AUTS2: variants seen among roughly 807,000 people sequenced by gnomAD.
The protein encoded by AUTS2 is activator of transcription and developmental regulator AUTS2.
AUTS2 carries 17 observed loss-of-function variants against 112.4 expected under a neutral mutation model. The observed-to-expected ratio is 0.15, with a 90% CI of 0.10 to 0.23. The LOEUF (loss-of-function observed/expected upper bound fraction) is 0.23. AUTS2 is among the 10% of genes least tolerant of loss of function. The pLI is 1.00. For synonymous variants in AUTS2, 751 were observed against 702.7 expected, an observed-to-expected ratio of 1.07 and a Z score of -1.09; for missense variants, 1,510 against 1,701.6, an observed-to-expected ratio of 0.89 and a Z score of 1.98.
intron 4 of AUTS2, among the ~76,000 whole-genome samples, chr7:70,397,069 T>C (rs959922975): frequency 1.1e-4 from 9 of 84,900 alleles, no homozygotes; most frequent in Admixed American, 2.1e-4. Context: ...CTTTTATTAT[T>C]TTTTTTTTTT....
At chr7:70,374,260 A>G (rs957185548) in intron 4 of AUTS2, among the ~76,000 whole-genome samples, 9 of 152,220 alleles carry the variant, frequency 5.9e-5, no homozygotes, top group African/African-American at 2.2e-4. Context: ...AGTTTATTCT[A>G]TTTAAAAAGA....
At chr7:69,934,431 G>C (rs1417827634) in intron 2 of AUTS2, among the ~76,000 whole-genome samples, 1 of 152,136 alleles carries the variant, frequency 6.6e-6, no homozygotes, top group Non-Finnish European at 1.5e-5. Context: ...GAAGTGTATT[G>C]GTTTTGGTAG....
intron 3 of AUTS2, among the ~76,000 whole-genome samples, chr7:70,122,565 A>G (rs1235806854): frequency 6.6e-6 from 1 of 152,144 alleles, no homozygotes; most frequent in Non-Finnish European, 1.5e-5. Flanking sequence ...ACATTATAAA[A>G]TCCTGTCAGT....
intron 4 of AUTS2, among the ~76,000 whole-genome samples, chr7:70,350,635 A>G (rs1791706685): frequency 6.6e-6 from 1 of 152,142 alleles, no homozygotes; most frequent in South Asian, 2.1e-4. Flanking sequence ...GACACATGGG[A>G]GCTACAATTC....
At chr7:69,778,824 C>T (rs1327410508) in intron 1 of AUTS2, among the ~76,000 whole-genome samples, 1 of 152,020 alleles carries the variant, frequency 6.6e-6, no homozygotes, top group South Asian at 2.1e-4. Context: ...CAATAATAAG[C>T]ATTCACTGAC....
In AUTS2 at chr7:70,665,443, C is replaced by CTATTTATT. The variant is rs72463188; in HGVS notation, c.691-33119_691-33118insTTATTTAT. Among the ~76,000 whole-genome samples the CTATTTATT allele has an allele frequency of 5.9e-4, 62 of 104,722 alleles. No individual in the cohort carries two copies. The East Asian group carries it at 9.5e-3, about 16-fold the overall frequency. The allele number at this position is 104,722 out of a possible 152,430, so 68.7% of individuals were successfully genotyped here. On this transcript the variant is annotated intron_variant, in intron 5 of 18. Transcript: ENST00000342771. Reference sequence around the variant, plus strand: ...CATGACCAGCTGTTTATTTATTTATCTATTTATCTATTTATTTATTTATTT... The same window carrying CTATTTATT: ...CATGACCAGCTGTTTATTTATTTATCTATTTATTTATTTATCTATTTATTTATTTATTT...
intron 2 of AUTS2, among the ~76,000 whole-genome samples, chr7:69,986,460 A>C (rs1440398944): frequency 5.9e-5 from 9 of 152,224 alleles, no homozygotes; most frequent in African/African-American, 2.2e-4. Context: ...ATCCAGGCTC[A>C]CTTGGAAAAA....
chr7:70,485,617 T>C (rs901634868), intron 5 of AUTS2, among the ~76,000 whole-genome samples: 1 of 151,636 alleles, frequency 6.6e-6, no homozygotes, highest in Non-Finnish European at 1.5e-5. Flanking sequence ...AAAAAACTAT[T>C]GCATTTGTAA....
chr7:69,713,775 C>T (rs1455220017), intron 1 of AUTS2, among the ~76,000 whole-genome samples: 1 of 151,996 alleles, frequency 6.6e-6, no homozygotes, highest in Non-Finnish European at 1.5e-5. Flanking sequence ...GAGTTCTTTA[C>T]GTGTTCTTAA....
At chr7:69,894,256 T>TG (rs1240052062) in intron 1 of AUTS2, among the ~76,000 whole-genome samples, 11 of 131,372 alleles carry the variant, frequency 8.4e-5, no homozygotes, top group East Asian at 4.4e-4. Context: ...TAAAGCGTTT[T>TG]TTTTTTTTTT....
intron 2 of AUTS2, among the ~76,000 whole-genome samples, chr7:69,993,997 C>T (rs1275721710): frequency 1.3e-5 from 2 of 152,024 alleles, no homozygotes; most frequent in Non-Finnish European, 2.9e-5. Context: ...TGCTTTGGGC[C>T]CCAAGAAAGT....
chr7:70,387,900 T>A (rs1161320872), intron 4 of AUTS2, among the ~76,000 whole-genome samples: 1 of 152,170 alleles, frequency 6.6e-6, no homozygotes, highest in African/African-American at 2.4e-5. Flanking sequence ...TCAACACATA[T>A]GTCATATCCC....
At chr7:69,972,970 G>C (rs1797916110) in intron 2 of AUTS2, among the ~76,000 whole-genome samples, 1 of 151,918 alleles carries the variant, frequency 6.6e-6, no homozygotes, top group African/African-American at 2.4e-5. Flanking sequence ...AACCTCATCT[G>C]TGTTTACAGA....
At position 69,767,803 on chromosome 7, in the gene AUTS2, C is replaced by G. The variant is rs368689097; in HGVS notation, c.310-131483C>G. Among the ~76,000 whole-genome samples the G allele has an allele frequency of 2.1e-4, 32 of 152,336 alleles. No individual in the cohort carries two copies. In the East Asian group the frequency reaches 5.6e-3, roughly 27 times the overall value. On this transcript the variant is annotated intron_variant, in intron 1 of 18. Coordinates refer to ENST00000342771, the MANE Select transcript of AUTS2 (RefSeq NM_015570.4). ...TATTTCAGACCATTGGGGGATCCCC[C>G]TCTTCATGGCACACACTGTGCCTGT...
At chr7:70,646,341 T>C (rs1806158440) in intron 5 of AUTS2, among the ~76,000 whole-genome samples, 1 of 152,228 alleles carries the variant, frequency 6.6e-6, no homozygotes, top group Admixed American at 6.5e-5. Context: ...AGAGGGGCCA[T>C]TTCCCTCTCT....
At chr7:70,093,121 T>G (rs1368313384) in intron 2 of AUTS2, among the ~76,000 whole-genome samples, 1 of 152,184 alleles carries the variant, frequency 6.6e-6, no homozygotes, top group Non-Finnish European at 1.5e-5. Context: ...AAATGAGCAA[T>G]GCAGCCCAGC....
At chr7:69,772,504 G>A (rs1426261043) in intron 1 of AUTS2, among the ~76,000 whole-genome samples, 4 of 152,136 alleles carry the variant, frequency 2.6e-5, no homozygotes, top group South Asian at 2.1e-4. Context: ...GCAGTGGCAC[G>A]AACATTGCAA....
At chr7:70,526,331 G>C (rs1361881327) in intron 5 of AUTS2, among the ~76,000 whole-genome samples, 3 of 152,124 alleles carry the variant, frequency 2.0e-5, no homozygotes, top group African/African-American at 7.2e-5. Context: ...GAGTCCTTTA[G>C]TTCATCACCT....
At chr7:69,761,758 G>C (rs959689499) in intron 1 of AUTS2, among the ~76,000 whole-genome samples, 1 of 152,136 alleles carries the variant, frequency 6.6e-6, no homozygotes, top group African/African-American at 2.4e-5. Flanking sequence ...CTGGAATGAA[G>C]GCTAGGAGTT....
Sources: gnomAD v4.1 joint callset for allele counts (sites outside exome capture counted in the v4.1 genomes callset) on GRCh38, gnomAD v4.1.1 for gene constraint, MANE v1.5 for transcripts, NCBI Gene and HGNC (gene_info 2026-07-23, HGNC 2026-07-21) for gene names.